Variants in KDM4C observed in about 807,000 individuals in gnomAD.
KDM4C encodes the protein lysine demethylase 4C.
In KDM4C, 81 loss-of-function variants were observed where a neutral mutation model predicts 129.3. That is an observed-to-expected ratio of 0.63 (90% CI 0.52 to 0.75). The LOEUF (loss-of-function observed/expected upper bound fraction) is 0.75. Ranked by LOEUF, KDM4C falls within the 30% of genes least tolerant of loss-of-function variation. KDM4C has a pLI of 0.00. For missense variants in KDM4C, 1,457 were observed against 1,304.0 expected, an observed-to-expected ratio of 1.12 and a Z score of -1.81; for synonymous variants, 573 against 456.1, an observed-to-expected ratio of 1.26 and a Z score of -3.26.
Position 6,870,810 on chromosome 9 carries a change from A to G in KDM4C, c.630-9202A>G, listed in dbSNP as rs191177844. On this transcript the variant is annotated intron_variant, in intron 5 of 21. Transcript: ENST00000381309. The stretch of plus-strand genomic sequence containing the variant: ...AACATAAATAAGGGAGGAAATGACT[A>G]CTTCACACGGCCTTAGTTAGGCGCA... Among the ~76,000 whole-genome samples, 13 of 143,830 alleles carry G rather than the reference A, an allele frequency of 9.0e-5. No individual in the cohort carries two copies. In the East Asian group the frequency reaches 1.5e-3, roughly 17 times the overall value. 94.4% of individuals were successfully genotyped at this position (143,830 alleles called of 152,430 possible).
intron 12 of KDM4C, among the ~76,000 whole-genome samples, chr9:6,996,993 A>G (rs1348523785): frequency 6.6e-6 from 1 of 151,820 alleles, no homozygotes; most frequent in Non-Finnish European, 1.5e-5. Flanking sequence ...ATAGAGAGGC[A>G]AAAATAGCAC....
chr9:7,126,406 T>G (rs1228010352), intron 18 of KDM4C, among the ~76,000 whole-genome samples: 3 of 152,218 alleles, frequency 2.0e-5, no homozygotes, highest in African/African-American at 7.2e-5. Context: ...TCTACAGGTC[T>G]TAAAAATTAC....
chr9:7,002,159 C>G (rs542041809), intron 12 of KDM4C, among the ~76,000 whole-genome samples: 1 of 152,320 alleles, frequency 6.6e-6, no homozygotes, highest in East Asian at 1.9e-4. Context: ...TCCCAAAATG[C>G]TGGGATTACA....
At chr9:7,125,562 A>G (rs1476371490) in intron 18 of KDM4C, among the ~76,000 whole-genome samples, 1 of 152,256 alleles carries the variant, frequency 6.6e-6, no homozygotes, top group African/African-American at 2.4e-5. Context: ...TCTAGAAGAA[A>G]AAGATAAGCA....
intron 20 of KDM4C, among the ~76,000 whole-genome samples, chr9:7,169,149 T>C (rs1263665604): frequency 6.6e-6 from 1 of 152,118 alleles, no homozygotes; most frequent in East Asian, 1.9e-4. Context: ...AAATGAACCG[T>C]GCTGACAGAC....
At chr9:7,049,552 C>T (rs995908785) in intron 17 of KDM4C, among the ~76,000 whole-genome samples, 1 of 152,082 alleles carries the variant, frequency 6.6e-6, no homozygotes, top group Non-Finnish European at 1.5e-5. Context: ...TCTCTTGACT[C>T]TCTTTGGTTG....
At chr9:6,924,007 TG>T (rs1822019423) in intron 8 of KDM4C, among the ~76,000 whole-genome samples, 1 of 152,242 alleles carries the variant, frequency 6.6e-6, no homozygotes, top group African/African-American at 2.4e-5. Flanking sequence ...GTAAGTTTTT[TG>T]AACAGTTCTC....
chr9:6,888,186 T>C (rs1845571064), intron 7 of KDM4C, 123 bp downstream of exon 7: 2 of 443,812 alleles, frequency 4.5e-6, no homozygotes, highest in Non-Finnish European at 4.0e-6. Context: ...CAAATTTATG[T>C]TTTATAGCAT....
intron 8 of KDM4C, among the ~76,000 whole-genome samples, chr9:6,927,131 CT>C (rs1844530795): frequency 6.6e-6 from 1 of 151,064 alleles, no homozygotes; most frequent in Non-Finnish European, 1.5e-5. Context: ...ATCTATCTAT[CT>C]ATCTATCTGT....
At chr9:6,856,529 T>C (rs1839835672) in intron 5 of KDM4C, among the ~76,000 whole-genome samples, 1 of 146,280 alleles carries the variant, frequency 6.8e-6, no homozygotes, top group Non-Finnish European at 1.5e-5. Flanking sequence ...GGCATATCTC[T>C]CTCTGTGTGC....
At chr9:7,008,638 G>C (rs1489121935) in intron 12 of KDM4C, among the ~76,000 whole-genome samples, 1 of 152,170 alleles carries the variant, frequency 6.6e-6, no homozygotes, top group African/African-American at 2.4e-5. Context: ...GGATGCAGTT[G>C]ACAGGACCAC....
chr9:6,869,134 A>C (rs1367404004), intron 5 of KDM4C, among the ~76,000 whole-genome samples: 1 of 152,166 alleles, frequency 6.6e-6, no homozygotes, highest in Non-Finnish European at 1.5e-5. Flanking sequence ...CAACTTTCCA[A>C]AGCTTAGTTA....
chr9:6,881,028 C>CTTTTA (rs1304609982), intron 6 of KDM4C, among the ~76,000 whole-genome samples: 1 of 152,300 alleles, frequency 6.6e-6, no homozygotes, highest in Non-Finnish European at 1.5e-5. Flanking sequence ...GAGCAGTGCT[C>CTTTTA]TTTTAGTCCA....
chr9:6,845,715 A>G (rs541838034), intron 4 of KDM4C, among the ~76,000 whole-genome samples: 36 of 152,192 alleles, frequency 2.4e-4, no homozygotes, highest in Non-Finnish European at 4.7e-4. Flanking sequence ...TTGGCATGAA[A>G]GGAGAAAGGG....
chr9:6,757,691 T>A (rs1818464938), upstream of KDM4C: 1 of 985,312 alleles, frequency 1.0e-6, no homozygotes, highest in Admixed American at 6.1e-5. Context: ...GTGGACTACA[T>A]CAGGTCCAGC....
chr9:6,892,714 C>G (rs1846276040), intron 7 of KDM4C, among the ~76,000 whole-genome samples: 1 of 152,112 alleles, frequency 6.6e-6, no homozygotes, highest in African/African-American at 2.4e-5. Context: ...TTAACAATGT[C>G]AGTTATTATA....
intron 8 of KDM4C, among the ~76,000 whole-genome samples, chr9:6,974,398 C>T (rs143286192): frequency 3.3e-5 from 5 of 152,124 alleles, no homozygotes; most frequent in Non-Finnish European, 7.3e-5. Context: ...CTTACTCTGT[C>T]GTCCAGGCTG....
At chr9:7,100,449 C>G (rs367562512) in intron 17 of KDM4C, among the ~76,000 whole-genome samples, 20 of 152,280 alleles carry the variant, frequency 1.3e-4, no homozygotes, top group African/African-American at 4.1e-4. Context: ...AAGCGACTCT[C>G]CTGCCTCAGC....
intron 1 of KDM4C, among the ~76,000 whole-genome samples, chr9:6,784,676 G>A (rs1050634171): frequency 6.6e-6 from 1 of 152,250 alleles, no homozygotes; most frequent in Non-Finnish European, 1.5e-5. Flanking sequence ...ACAAGATGGA[G>A]TGGTGATCGG....
Sources: allele counts gnomAD v4.1 joint callset (sites outside exome capture counted in the v4.1 genomes callset), GRCh38; gene constraint gnomAD v4.1.1; transcripts MANE v1.5; gene names NCBI Gene and HGNC (gene_info 2026-07-23, HGNC 2026-07-21).